Variants in OFD1 observed in about 807,000 individuals in gnomAD.
OFD1 encodes the protein OFD1 centriole and centriolar satellite protein.
Under a neutral mutation model 81.4 loss-of-function variants are expected in OFD1, and 12 were observed. That is an observed-to-expected ratio of 0.15 (90% CI 0.09 to 0.24). The LOEUF (loss-of-function observed/expected upper bound fraction) is 0.24, where lower values mean the gene tolerates loss of function less well. OFD1 is among the 10% of genes least tolerant of loss of function. The pLI is 1.00. For missense variants in OFD1, 685 were observed against 733.9 expected (o/e 0.93, Z 0.77); for synonymous variants, 256 against 263.7 (o/e 0.97, Z 0.28).
At chrX:13,734,065 G>T, upstream of OFD1, 1 of 514,724 alleles carries the variant, frequency 1.9e-6, no homozygotes, top group Non-Finnish European at 3.5e-6. Context: ...AGCACACAAT[G>T]GTTGGTACTC....
At chrX:13,745,845 CT>C (rs1235146365) in intron 6 of OFD1, among the ~76,000 whole-genome samples, 2 of 111,758 alleles carry the variant, frequency 1.8e-5, no homozygotes, top group Non-Finnish European at 3.8e-5. Flanking sequence ...AGCATTTGTT[CT>C]TTATGTGTAA....
At chrX:13,742,739 G>A (rs2047154545) in intron 5 of OFD1, among the ~76,000 whole-genome samples, 1 of 111,279 alleles carries the variant, frequency 9.0e-6, no homozygotes, top group Non-Finnish European at 1.9e-5. Context: ...TGATCAGGCT[G>A]GTCTCGATCC....
upstream of OFD1, among the ~76,000 whole-genome samples, chrX:13,732,886 A>G (rs1280270251): frequency 8.9e-6 from 1 of 112,968 alleles, no homozygotes; most frequent in Non-Finnish European, 1.9e-5. Flanking sequence ...TCGCGAGAGC[A>G]GTGATTTCAG....
upstream of OFD1, chrX:13,734,057 C>G (rs1350282061): frequency 3.9e-6 from 2 of 513,238 alleles, no homozygotes; most frequent in African/African-American, 4.6e-5. Context: ...TACCTCACAG[C>G]ACACAATGGT....
chrX:13,773,670 T>C (rs760035995), downstream of OFD1: 2 of 111,773 alleles, frequency 1.8e-5, no homozygotes, highest in East Asian at 2.8e-4. Flanking sequence ...TTCTTTACAC[T>C]TGATGCGGCA....
chrX:13,758,208 T>G (rs2047786653), intron 14 of OFD1, 129 bp from the exon 15 acceptor site: 2 of 484,904 alleles, frequency 4.1e-6, no homozygotes, highest in East Asian at 7.4e-5. Flanking sequence ...ACCCTGTTGT[T>G]TACTGTCATA....
chrX:13,763,716 G>T (rs1261714314), intron 18 of OFD1, 29 bp from the exon 19 acceptor site: 3 of 1,102,665 alleles, frequency 2.7e-6, no homozygotes, highest in Non-Finnish European at 2.5e-6. Flanking sequence ...TATTATTAAG[G>T]ACTCATGGGA....
chrX:13,763,541 C>T (rs1475117301), intron 18 of OFD1, among the ~76,000 whole-genome samples: 1 of 112,419 alleles, frequency 8.9e-6, no homozygotes, highest in Non-Finnish European at 1.9e-5. Flanking sequence ...AAAGTTAATT[C>T]TTTCAACTAC....
chrX:13,746,355 A>T lies in OFD1; in HGVS notation c.554A>T (p.Asp185Val). The change falls in exon 7 of 23, where the codon GAT (aspartate) becomes GTT (valine). Residue 185 changes from aspartate (D) to valine (V), a missense_variant. This residue lies in a region of OFD1 where 414 missense variants were observed against 447.2 expected (regional missense o/e 0.93). Coordinates refer to ENST00000340096, the MANE Select transcript of OFD1 (RefSeq NM_003611.3). ...KLQLIDDQFADAYPQRIKFES... is the reference protein window; with the variant it reads ...KLQLIDDQFAVAYPQRIKFES... The stretch of plus-strand genomic sequence containing the variant: ...CAGCTTATTGATGATCAGTTTGCAG[A>T]TGCTTACCCTCAGCGTATCAAGTTC... The T allele has an allele frequency of 8.3e-7, 1 of 1,205,010 alleles. No individual in the cohort carries two copies. The highest frequency in any genetic ancestry group is 1.8e-5 in the South Asian group (1 of 56,827).
the OFD1 span, among the ~76,000 whole-genome samples, chrX:13,718,542 T>TA: frequency 1.8e-5 from 2 of 112,172 alleles, no homozygotes. Flanking sequence ...TACATACAAG[T>TA]AGCTGCATCC....
chrX:13,757,529 A>G (rs1457227198), intron 13 of OFD1, 131 bp from the exon 14 acceptor site: 8 of 681,830 alleles, frequency 1.2e-5, no homozygotes, highest in Non-Finnish European at 1.3e-5. Flanking sequence ...TAATAGAATT[A>G]TTATCATATT....
At chrX:13,726,064 G>GA in the OFD1 span, among the ~76,000 whole-genome samples, 1 of 111,954 alleles carries the variant, frequency 8.9e-6, no homozygotes, top group Non-Finnish European at 1.9e-5. Context: ...AGAGAAAAAA[G>GA]AATAAAAAGA....
chrX:13,763,737 T>C lies in OFD1; in HGVS notation c.2489-8T>C. On this transcript the variant is annotated splice_region_variant and splice_polypyrimidine_tract_variant and intron_variant, in intron 18 of 22. Transcript: ENST00000340096. ...TAAGGACTCATGGGACAATTGTGCC[T>C]CATGCAGCTGCAGGGAACATGCCAA... The C allele has an allele frequency of 8.4e-7, 1 of 1,194,239 alleles. No homozygotes were observed. Among genetic ancestry groups the C allele is most frequent in the Non-Finnish European group, 1.1e-6 (1 of 879,560 alleles).
In OFD1 at chrX:13,764,188, A is replaced by T. The variant is rs1196069800; in HGVS notation, c.2599+333A>T. 8.0e-5 allele frequency among the ~76,000 whole-genome samples: 9 copies of T among 112,333 alleles called. No homozygotes were observed. In the East Asian group the frequency reaches 2.5e-3, roughly 31 times the overall value. On this transcript the variant is annotated intron_variant, in intron 19 of 22. Coordinates refer to ENST00000340096, the MANE Select transcript of OFD1 (RefSeq NM_003611.3). ...TTTTCCCCAAGACTCTTCTGCAAAA[A>T]CTGTTCCTTGGGAACCTTAAAGTTT... is the stretch of plus-strand genomic sequence containing the variant.
At chrX:13,762,221 T>G (rs2047961801) in intron 17 of OFD1, 123 bp from the exon 18 acceptor site, 3 of 520,456 alleles carry the variant, frequency 5.8e-6, no homozygotes, top group Non-Finnish European at 1.0e-5. Context: ...TGGAGCTATT[T>G]ACAAGACAAA....
At chrX:13,756,249 C>T (rs1235052976) in intron 12 of OFD1, among the ~76,000 whole-genome samples, 1 of 111,643 alleles carries the variant, frequency 9.0e-6, no homozygotes, top group Non-Finnish European at 1.9e-5. Context: ...CCACCATGCT[C>T]AGCCATTTTT....
At chrX:13,716,743 C>T in the OFD1 span, 2 of 1,131,904 alleles carry the variant, frequency 1.8e-6, no homozygotes, top group Non-Finnish European at 2.4e-6. Context: ...GCTGACATTT[C>T]ATTCTGTAAA....
At chrX:13,758,470 A>G (rs1470077220) in intron 15 of OFD1, 22 bp downstream of exon 15, 5 of 945,711 alleles carry the variant, frequency 5.3e-6, no homozygotes, top group Non-Finnish European at 7.6e-6. Flanking sequence ...TTTAACCCAT[A>G]AATATTTTTG....
the OFD1 span, among the ~76,000 whole-genome samples, chrX:13,727,957 G>T: frequency 1.8e-5 from 2 of 111,938 alleles, no homozygotes; most frequent in Non-Finnish European, 3.8e-5. Flanking sequence ...TACCATCAGA[G>T]AATACTATAA....
Sources: allele counts gnomAD v4.1 joint callset (sites outside exome capture counted in the v4.1 genomes callset), GRCh38; gene constraint gnomAD v4.1.1; regional missense constraint gnomAD v4.1.1; transcripts MANE v1.5; gene names NCBI Gene and HGNC (gene_info 2026-07-23, HGNC 2026-07-21).